The following CPNE4 variants were observed in gnomAD, a reference collection of about 807,000 sequenced individuals.
CPNE4 encodes copine-4.
CPNE4 carries 25 observed loss-of-function variants against 67.9 expected under a neutral mutation model. The observed-to-expected ratio is 0.37, with a 90% CI of 0.27 to 0.51. The LOEUF is 0.51. CPNE4 is among the 20% of genes least tolerant of loss of function. The pLI, the probability that CPNE4 is intolerant of heterozygous loss-of-function variation, is 0.93. For synonymous variants in CPNE4, 242 were observed against 244.9 expected, an observed-to-expected ratio of 0.99 and a Z score of 0.11; for missense variants, 464 against 690.8, an observed-to-expected ratio of 0.67 and a Z score of 3.68.
chr3:132,006,793 G>A (rs1020476145), intron 1 of CPNE4, among the ~76,000 whole-genome samples: 11 of 152,074 alleles, frequency 7.2e-5, no homozygotes, highest in African/African-American at 1.7e-4. Context: ...TGCCCAGACC[G>A]CAAAGGGGCA....
chr3:131,768,453 C>T (rs1171155187), intron 2 of CPNE4, among the ~76,000 whole-genome samples: 1 of 152,054 alleles, frequency 6.6e-6, no homozygotes, highest in Non-Finnish European at 1.5e-5. Context: ...TCATGTTGAT[C>T]TTTTCTTTCC....
At chr3:131,786,441 C>T (rs2083564696) in intron 2 of CPNE4, among the ~76,000 whole-genome samples, 1 of 152,160 alleles carries the variant, frequency 6.6e-6, no homozygotes, top group Non-Finnish European at 1.5e-5. Flanking sequence ...ATATTGACAA[C>T]TGACATTTGT....
At chr3:131,689,470 G>T (rs1324495374) in intron 5 of CPNE4, among the ~76,000 whole-genome samples, 1 of 152,026 alleles carries the variant, frequency 6.6e-6, no homozygotes, top group African/African-American at 2.4e-5. Flanking sequence ...CTCAATAGAC[G>T]TAGGAAAAAA....
chr3:131,942,956 C>T (rs1429438927), intron 1 of CPNE4, among the ~76,000 whole-genome samples: 1 of 152,138 alleles, frequency 6.6e-6, no homozygotes, highest in Non-Finnish European at 1.5e-5. Flanking sequence ...GGACAAATTG[C>T]TTAATCTATC....
At chr3:131,613,126 T>C (rs993875305) in intron 7 of CPNE4, among the ~76,000 whole-genome samples, 2 of 152,146 alleles carry the variant, frequency 1.3e-5, no homozygotes, top group African/African-American at 2.4e-5. Flanking sequence ...AAGTGGGAAG[T>C]TGAGTTACCT....
At chr3:131,689,693 A>G (rs529573962) in intron 5 of CPNE4, among the ~76,000 whole-genome samples, 1 of 152,218 alleles carries the variant, frequency 6.6e-6, no homozygotes, top group Non-Finnish European at 1.5e-5. Context: ...CCTGTTCAAT[A>G]TAGTACTAAA....
intron 2 of CPNE4, among the ~76,000 whole-genome samples, chr3:131,892,767 T>C (rs974814290): frequency 2.0e-5 from 3 of 152,092 alleles, no homozygotes; most frequent in African/African-American, 7.2e-5. Flanking sequence ...AAATCGTCTA[T>C]TTTAACTACA....
At chr3:131,568,726 GAA>G (rs1435380416) in intron 10 of CPNE4, among the ~76,000 whole-genome samples, 1 of 152,008 alleles carries the variant, frequency 6.6e-6, no homozygotes, top group Non-Finnish European at 1.5e-5. Context: ...CTGTTCCTGG[GAA>G]AAGGCTGGTT....
chr3:131,830,841 A>G (rs1175670142), intron 2 of CPNE4, among the ~76,000 whole-genome samples: 1 of 152,162 alleles, frequency 6.6e-6, no homozygotes, highest in Non-Finnish European at 1.5e-5. Flanking sequence ...TATTTATTGA[A>G]GAAGTCAATA....
At position 131,978,181 on chromosome 3, in the gene CPNE4, A is replaced by C. The variant is rs1324266940; in HGVS notation, c.-2+56386T>G. Among the ~76,000 whole-genome samples the C allele has an allele frequency of 3.0e-3, 184 of 62,156 alleles. 7 individuals carry two copies. Among genetic ancestry groups the C allele is most frequent in the Non-Finnish European group, 4.2e-3 (162 of 38,570 alleles). 40.8% of individuals were successfully genotyped at this position (62,156 alleles called of 152,430 possible). On this transcript the variant is annotated intron_variant, in intron 1 of 15. Coordinates refer to ENST00000429747, the MANE Select transcript of CPNE4 (RefSeq NM_130808.3). The stretch of plus-strand genomic sequence containing the variant: ...TAAATATATATAAATATGTAAATAT[A>C]TATAATATATTTATAATTATTATAT...
At chr3:131,837,152 T>G (rs563097783) in intron 2 of CPNE4, among the ~76,000 whole-genome samples, 9 of 152,230 alleles carry the variant, frequency 5.9e-5, no homozygotes, top group African/African-American at 2.2e-4. Context: ...TACCACCAGT[T>G]TGGGAAGCAG....
At chr3:131,551,692 G>T (rs977507590) in intron 13 of CPNE4, among the ~76,000 whole-genome samples, 3 of 152,004 alleles carry the variant, frequency 2.0e-5, no homozygotes, top group African/African-American at 4.8e-5. Flanking sequence ...AATTAATCCT[G>T]ATTTAGCCTC....
chr3:131,765,988 A>G (rs115294579), intron 2 of CPNE4, among the ~76,000 whole-genome samples: 1 of 152,252 alleles, frequency 6.6e-6, no homozygotes, highest in African/African-American at 2.4e-5. Flanking sequence ...TAAGAATTCT[A>G]CTGGGCTATG....
intron 2 of CPNE4, among the ~76,000 whole-genome samples, chr3:131,780,531 A>G (rs2083405868): frequency 6.6e-6 from 1 of 152,164 alleles, no homozygotes; most frequent in Non-Finnish European, 1.5e-5. Flanking sequence ...TTGCAGTAAC[A>G]TGGATGGAGC....
rs552601179 is a variant in CPNE4 at position 131,987,387 on chromosome 3, A to ATTTT, written c.-2+47176_-2+47179dup. On this transcript the variant is annotated intron_variant, in intron 1 of 15. Coordinates refer to ENST00000429747, the MANE Select transcript of CPNE4 (RefSeq NM_130808.3). ...ACACTTTACAAATTAAGTTGTACAGATTTTTTTTTTTTTTTTGAGACAGAG... is the reference window on the plus strand; with the variant it reads ...ACACTTTACAAATTAAGTTGTACAGATTTTTTTTTTTTTTTTTTTTGAGACAGAG... Among the ~76,000 whole-genome samples the ATTTT allele has an allele frequency of 3.5e-3, 499 of 143,678 alleles. 4 individuals are homozygous for ATTTT. Among genetic ancestry groups the ATTTT allele is most frequent in the Non-Finnish European group, 5.6e-3 (367 of 65,470 alleles). The allele number at this position is 143,678 out of a possible 152,430, so 94.3% of individuals were successfully genotyped here.
chr3:131,625,579 C>A (rs2079053860), intron 7 of CPNE4, among the ~76,000 whole-genome samples: 1 of 152,106 alleles, frequency 6.6e-6, no homozygotes, highest in African/African-American at 2.4e-5. Flanking sequence ...GAAAAAAAAT[C>A]TCTTCCAAAA....
chr3:131,982,103 G>A (rs549857824), intron 1 of CPNE4, among the ~76,000 whole-genome samples: 1 of 152,030 alleles, frequency 6.6e-6, no homozygotes, highest in Non-Finnish European at 1.5e-5. Context: ...CATTATGATC[G>A]AACCTCTTCT....
intron 7 of CPNE4, among the ~76,000 whole-genome samples, chr3:131,614,500 C>T (rs2107747117): frequency 6.6e-6 from 1 of 152,098 alleles, no homozygotes; most frequent in South Asian, 2.1e-4. Flanking sequence ...TAACTTGTGC[C>T]AGGAAAAAAA....
intron 3 of CPNE4, among the ~76,000 whole-genome samples, chr3:131,717,858 C>CTT (rs1403658093): frequency 5.9e-5 from 2 of 33,720 alleles, no homozygotes; most frequent in Non-Finnish European, 8.5e-5. Flanking sequence ...TCCTCGCTCC[C>CTT]TCCTTTCTTT....
Sources: gnomAD v4.1 joint callset for allele counts (sites outside exome capture counted in the v4.1 genomes callset) on GRCh38, gnomAD v4.1.1 for gene constraint, MANE v1.5 for transcripts, NCBI Gene and HGNC (gene_info 2026-07-23, HGNC 2026-07-21) for gene names.